Variants in FNDC1 observed in about 807,000 individuals in gnomAD.
FNDC1 encodes the protein fibronectin type III domain containing 1.
FNDC1 carries 96 observed loss-of-function variants against 168.0 expected under a neutral mutation model. That is an observed-to-expected ratio of 0.57 (90% CI 0.48 to 0.68). FNDC1 has a LOEUF of 0.68. Ranked by LOEUF, FNDC1 falls within the 30% of genes least tolerant of loss-of-function variation. FNDC1 has a pLI of 0.00. For synonymous variants in FNDC1, 1,099 were observed against 1,025.9 expected (o/e 1.07, Z -1.36); for missense variants, 2,587 against 2,482.1 (o/e 1.04, Z -0.90).
chr6:159,214,309 C>G (rs900253585), intron 4 of FNDC1, among the ~76,000 whole-genome samples: 1 of 152,172 alleles, frequency 6.6e-6, no homozygotes, highest in Admixed American at 6.5e-5. Flanking sequence ...GAGGGCATTT[C>G]TTGAGATTAA....
At chr6:159,183,117 T>A (rs546578919) in intron 1 of FNDC1, among the ~76,000 whole-genome samples, 3 of 152,340 alleles carry the variant, frequency 2.0e-5, no homozygotes, top group Non-Finnish European at 4.4e-5. Context: ...TTTATGATTT[T>A]CTTTCATATT....
chr6:159,211,024 G>T (rs902304023), intron 4 of FNDC1, among the ~76,000 whole-genome samples: 2 of 152,152 alleles, frequency 1.3e-5, no homozygotes, highest in South Asian at 4.1e-4. Context: ...GAGCACCATG[G>T]CTCCGGCCTA....
In FNDC1 at chr6:159,200,074, G is replaced by C; in HGVS notation, c.383G>C (p.Ser128Thr). The C allele has an allele frequency of 6.3e-7, 1 of 1,595,216 alleles. No individual in the cohort carries two copies. The highest frequency in any genetic ancestry group is 8.5e-7 in the Non-Finnish European group (1 of 1,170,334). Residue 128 changes from serine (S) to threonine (T), a missense_variant, in exon 3 of 23, where the codon AGC becomes ACC. By Grantham distance (58) the Ser-to-Thr change is moderately conservative. Coordinates refer to ENST00000297267, the MANE Select transcript of FNDC1 (RefSeq NM_032532.3). ...GVSRPVYRAE[S>T]PPGGEWIEID... ...AGCCGTCCTGTTTACAGAGCTGAAA[G>C]CCCACCTGGTAAGTCCTATCTAGAA... is the stretch of plus-strand genomic sequence containing the variant.
intron 4 of FNDC1, among the ~76,000 whole-genome samples, chr6:159,210,615 A>G (rs1426788145): frequency 1.3e-5 from 2 of 152,194 alleles, no homozygotes; most frequent in African/African-American, 4.8e-5. Context: ...AATCAATTCA[A>G]AGGTGTTTCA....
chr6:159,224,345 C>T (rs917283190), intron 7 of FNDC1, among the ~76,000 whole-genome samples: 1 of 152,144 alleles, frequency 6.6e-6, no homozygotes, highest in Non-Finnish European at 1.5e-5. Flanking sequence ...AATTTTATTT[C>T]CACGACTGAA....
chr6:159,171,498 G>C (rs1295321959), intron 1 of FNDC1, among the ~76,000 whole-genome samples: 2 of 152,236 alleles, frequency 1.3e-5, no homozygotes, highest in East Asian at 3.9e-4. Flanking sequence ...AGCTGCTTGT[G>C]TCAAGCTCTC....
At chr6:159,170,515 C>A (rs1336903863) in intron 1 of FNDC1, among the ~76,000 whole-genome samples, 2 of 152,200 alleles carry the variant, frequency 1.3e-5, no homozygotes, top group Non-Finnish European at 2.9e-5. Flanking sequence ...AAGCCTTTGG[C>A]GGCCCTTGTT....
At chr6:159,186,057 T>A (rs1009018228) in intron 1 of FNDC1, among the ~76,000 whole-genome samples, 6 of 152,228 alleles carry the variant, frequency 3.9e-5, no homozygotes. Context: ...TTAAGACTAT[T>A]CTCTGAGCAA....
rs1783108986 is a variant in FNDC1, at chr6:159,232,401, C to G, written c.1889C>G (p.Ser630Cys). 17 of 1,612,598 alleles carry G rather than the reference C, an allele frequency of 1.1e-5. No individual in the cohort carries two copies. Among genetic ancestry groups the G allele is most frequent in the Non-Finnish European group, 1.4e-5 (17 of 1,179,054 alleles). The change falls in exon 11 of 23, where the codon TCT becomes TGT. Residue 630 changes from serine (S) to cysteine (C), a missense_variant. Coordinates refer to ENST00000297267, the MANE Select transcript of FNDC1 (RefSeq NM_032532.3). This position sits in a 1 kb window ranked among gnomAD's most constrained non-coding sequence, Gnocchi z 4.9. ...CACCACGCGTCCACCCAGGGCACCT[C>G]TCATCGTCCTTCCCTGCCTGCCAGC... ...PAHHASTQGTSHRPSLPASLN... is the reference protein window; with the variant it reads ...PAHHASTQGTCHRPSLPASLN...
chr6:159,173,725 C>T (rs1340881431), intron 1 of FNDC1, among the ~76,000 whole-genome samples: 1 of 152,162 alleles, frequency 6.6e-6, no homozygotes, highest in African/African-American at 2.4e-5. Context: ...TGAAACAATA[C>T]AAATTTATGA....
At chr6:159,220,435 T>G (rs552688493) in intron 5 of FNDC1, among the ~76,000 whole-genome samples, 1 of 152,296 alleles carries the variant, frequency 6.6e-6, no homozygotes, top group South Asian at 2.1e-4. Context: ...GATCGCCTCA[T>G]TTTTATTCTT....
chr6:159,191,537 T>G (rs1209456947), intron 1 of FNDC1, among the ~76,000 whole-genome samples: 1 of 152,248 alleles, frequency 6.6e-6, no homozygotes, highest in Non-Finnish European at 1.5e-5. Flanking sequence ...TGTTAGTGGA[T>G]TTTTTGAAAC....
chr6:159,220,633 G>A (rs1391682184), intron 5 of FNDC1, among the ~76,000 whole-genome samples: 2 of 152,184 alleles, frequency 1.3e-5, no homozygotes, highest in Admixed American at 6.5e-5. Context: ...GGTTTTACCT[G>A]GGTCTCAGAC....
intron 15 of FNDC1, among the ~76,000 whole-genome samples, chr6:159,248,546 C>T (rs1009967090): frequency 6.6e-5 from 10 of 152,176 alleles, no homozygotes; most frequent in East Asian, 3.9e-4. Flanking sequence ...ACTTGTGATC[C>T]GCCTGCCTCG....
chr6:159,228,037 T>C lies in FNDC1; in HGVS notation c.1180+1457T>C, dbSNP rs534093981. 6.7e-3 allele frequency among the ~76,000 whole-genome samples: 430 copies of C among 64,522 alleles called. 1 individual carries two copies. In the African/African-American group the frequency reaches 0.078, roughly 12 times the overall value. The allele number at this position is 64,522 out of a possible 152,430, so 42.3% of individuals were successfully genotyped here. ...GACCTCTGAAAATTGAATAAAGACT[T>C]TTTTTTTGCTAACTACTTTTTGTTA... On this transcript the variant is annotated intron_variant, in intron 9 of 22. Transcript: ENST00000297267.
intron 13 of FNDC1, 34 bp from the exon 14 acceptor site, chr6:159,239,483 C>G (rs1783351033): frequency 1.3e-6 from 2 of 1,531,228 alleles, no homozygotes; most frequent in Non-Finnish European, 1.8e-6. Context: ...ATTGCTTCAC[C>G]TTGTTGCATA....
intron 11 of FNDC1, among the ~76,000 whole-genome samples, chr6:159,234,952 T>C (rs774184916): frequency 6.6e-6 from 1 of 152,244 alleles, no homozygotes; most frequent in Non-Finnish European, 1.5e-5. Flanking sequence ...TAGATACATA[T>C]GTAGGCTTAT....
chr6:159,180,972 T>G (rs1431238690), intron 1 of FNDC1, among the ~76,000 whole-genome samples: 1 of 152,176 alleles, frequency 6.6e-6, no homozygotes, highest in Admixed American at 6.5e-5. Context: ...AATAGAATTA[T>G]TTATATTCTT....
At chr6:159,247,394 A>G (rs1321441486) in intron 15 of FNDC1, among the ~76,000 whole-genome samples, 1 of 152,124 alleles carries the variant, frequency 6.6e-6, no homozygotes, top group African/African-American at 2.4e-5. Context: ...TACATAAAAT[A>G]TGTGATGCTT....
Sources: allele counts gnomAD v4.1 joint callset (sites outside exome capture counted in the v4.1 genomes callset), GRCh38; gene constraint gnomAD v4.1.1; non-coding constraint Gnocchi (gnomAD v3.1); transcripts MANE v1.5; gene names NCBI Gene and HGNC (gene_info 2026-07-23, HGNC 2026-07-21).